PPEF2: variants seen among roughly 807,000 people sequenced by gnomAD.
The protein encoded by PPEF2 is protein phosphatase with EF-hand domain 2, also known as serine/threonine-protein phosphatase with EF-hands 2.
A neutral mutation model predicts 84.7 loss-of-function variants in PPEF2; 84 were observed. The ratio of observed to expected loss-of-function variants is 0.99; its 90% CI spans 0.83 to 1.19. The LOEUF (loss-of-function observed/expected upper bound fraction) is 1.19, where lower values mean the gene tolerates loss of function less well. PPEF2 is among the 50% of genes most tolerant of loss of function. The pLI, the probability that PPEF2 is intolerant of heterozygous loss-of-function variation, is 0.00. For synonymous variants in PPEF2, 346 were observed against 345.2 expected, an observed-to-expected ratio of 1.00 and a Z score of -0.03; for missense variants, 924 against 937.5, an observed-to-expected ratio of 0.99 and a Z score of 0.19.
intron 7 of PPEF2, among the ~76,000 whole-genome samples, chr4:75,886,098 A>G (rs150604939): frequency 6.6e-6 from 1 of 152,080 alleles, no homozygotes; most frequent in Non-Finnish European, 1.5e-5. Context: ...CTCAGTACCA[A>G]CCCGCAGGTT....
In PPEF2 at chr4:75,860,849, CTGTAATGTCGATATTCA is replaced by C; in HGVS notation, c.2063_2079del (p.Met688ArgfsTer2). 1 of 1,614,244 alleles carries C rather than the reference CTGTAATGTCGATATTCA, an allele frequency of 6.2e-7. No individual in the cohort carries two copies. Among genetic ancestry groups the C allele is most frequent in the Non-Finnish European group, 8.5e-7 (1 of 1,180,042 alleles). ...CGAGCAAGGTCACAGATGCAGTCAT[CTGTAATGTCGATATTCA>C]TGTGAGAGCTGAACAGCTTCCAGGT... is the stretch of plus-strand genomic sequence containing the variant. On this transcript the variant is annotated frameshift_variant, in exon 17 of 17. Transcript: ENST00000286719. LOFTEE classifies it low-confidence loss of function (END_TRUNC).
intron 11 of PPEF2, among the ~76,000 whole-genome samples, chr4:75,875,776 T>C (rs1476153494): frequency 6.6e-6 from 1 of 152,138 alleles, no homozygotes; most frequent in Non-Finnish European, 1.5e-5. Flanking sequence ...ATGTCCATTC[T>C]CCTCTTCCTT....
rs61757739 is a variant in PPEF2 at position 75,891,927 on chromosome 4, C to T, written c.107G>A (p.Arg36His). The T allele has an allele frequency of 6.9e-3, 11,106 of 1,614,086 alleles. 63 individuals are homozygous for T. Among genetic ancestry groups the T allele is most frequent in the Non-Finnish European group, 8.5e-3 (9,989 of 1,179,994 alleles). Residue 36 changes from arginine to histidine, a missense_variant, in exon 3 of 17, where the codon CGC (arginine) becomes CAC (histidine). Transcript: ENST00000286719. ...IQRWYRRYVARLEMRRRCTWS... is the reference protein window; with the variant it reads ...IQRWYRRYVAHLEMRRRCTWS... ...GGTGCAACGCCGCCTCATCTCCAGG[C>T]GGGCCACGTAGCGCCGGTACCATCT...
intron 12 of PPEF2, 80 bp downstream of exon 12, chr4:75,873,047 G>T: frequency 7.4e-7 from 1 of 1,349,366 alleles, no homozygotes; most frequent in Non-Finnish European, 1.0e-6. Context: ...GAAACTGAGA[G>T]CCTTTGCTCA....
Position 75,873,246 on chromosome 4 carries a change from C to T in PPEF2, c.1387G>A (p.Gly463Arg), listed in dbSNP as rs979862558. ...EGCKANTIRGGGCYFGPDVTQ... is the reference protein window; with the variant it reads ...EGCKANTIRGRGCYFGPDVTQ... ...ACATCAGGCCCAAAATAACAGCCTC[C>T]TCCTCGAATAGTGTTGGCCTTGCAG... The change falls in exon 12 of 17, where the codon GGA (glycine) becomes AGA (arginine). Residue 463 changes from glycine (G) to arginine (R), a missense_variant. Gly to Arg is a moderately radical substitution (Grantham distance 125, BLOSUM62 -2). Transcript: ENST00000286719. 2 of 1,614,124 alleles carry T rather than the reference C, an allele frequency of 1.2e-6. No homozygotes were observed. The highest frequency in any genetic ancestry group is 1.7e-6 in the Non-Finnish European group (2 of 1,180,002).
intron 2 of PPEF2, among the ~76,000 whole-genome samples, chr4:75,895,127 A>T (rs865848439): frequency 2.3e-5 from 3 of 129,262 alleles, no homozygotes; most frequent in African/African-American, 8.7e-5. Context: ...CAGCTAATTA[A>T]TTTTTTTTTT....
At chr4:75,874,946 G>A (rs1360236842) in intron 11 of PPEF2, among the ~76,000 whole-genome samples, 1 of 148,864 alleles carries the variant, frequency 6.7e-6, no homozygotes, top group East Asian at 2.0e-4. Flanking sequence ...CTGTCGCCCA[G>A]GATGAAGTGC....
At chr4:75,874,751 C>T (rs1249604279) in intron 11 of PPEF2, among the ~76,000 whole-genome samples, 1 of 152,178 alleles carries the variant, frequency 6.6e-6, no homozygotes, top group Non-Finnish European at 1.5e-5. Context: ...AGATCAATAA[C>T]TGACAGAACA....
In PPEF2 at chr4:75,867,402, T is replaced by G; in HGVS notation, c.1667A>C (p.Glu556Ala). The G allele has an allele frequency of 2.5e-6, 4 of 1,613,494 alleles. No individual in the cohort carries two copies. Among genetic ancestry groups the G allele is most frequent in the Non-Finnish European group, 3.4e-6 (4 of 1,179,526 alleles). The change falls in exon 14 of 17, where the codon GAG becomes GCG. Residue 556 changes from glutamate to alanine, a missense_variant. Coordinates refer to ENST00000286719, the MANE Select transcript of PPEF2 (RefSeq NM_006239.3). ...CTCCCTCAGAGCTCTCAGAGCCGAC[T>G]CCTCCACTCTGCTAATCCTGGGACA... ...TMRQRISRVEESALRALREKL... is the reference protein window; with the variant it reads ...TMRQRISRVEASALRALREKL...
intron 10 of PPEF2, among the ~76,000 whole-genome samples, chr4:75,882,413 A>C (rs1255212655): frequency 6.6e-6 from 1 of 152,322 alleles, no homozygotes; most frequent in African/African-American, 2.4e-5. Flanking sequence ...GGTAGTATTT[A>C]GAATTATCTA....
chr4:75,876,380 C>A lies in PPEF2; in HGVS notation c.1227G>T (p.Val409=). The A allele has an allele frequency of 3.7e-6, 6 of 1,614,164 alleles. No homozygotes were observed. The highest frequency in any genetic ancestry group is 5.1e-6 in the Non-Finnish European group (6 of 1,180,044). Reference sequence around the variant, plus strand: ...GGGAGGGCTCCTCTTTCTCTCCGGTCACCAGGAGGCCTGCTTGCTGCCGGC... The same window carrying A: ...GGGAGGGCTCCTCTTTCTCTCCGGTAACCAGGAGGCCTGCTTGCTGCCGGC... ...ERCRQQAGLL[V]TGEKEEPSRS... is the part of the protein sequence containing the mutation. The change falls in exon 11 of 17, where the codon GTG becomes GTT. Residue 409 remains valine (V), a synonymous_variant. Transcript: ENST00000286719.
At chr4:75,876,762 T>C (rs1724429028) in intron 10 of PPEF2, 89 bp from the exon 11 acceptor site, 1 of 1,387,616 alleles carries the variant, frequency 7.2e-7, no homozygotes, top group Non-Finnish European at 9.6e-7. Context: ...TCCTAGAACT[T>C]TGGGAGACTG....
chr4:75,897,823 G>A (rs1025392144), intron 1 of PPEF2, among the ~76,000 whole-genome samples: 5 of 152,066 alleles, frequency 3.3e-5, no homozygotes, highest in South Asian at 2.1e-4. Flanking sequence ...CTCGTCTGCC[G>A]AGACCAGCTC....
intron 13 of PPEF2, among the ~76,000 whole-genome samples, chr4:75,868,712 CTG>C (rs1462743095): frequency 2.6e-5 from 4 of 152,004 alleles, no homozygotes; most frequent in Non-Finnish European, 5.9e-5. Context: ...ACACAAAAAA[CTG>C]TGAACCAGTT....
At chr4:75,860,965 T>A (rs1266627096) in intron 16 of PPEF2, 45 bp from the exon 17 acceptor site, 3 of 1,593,922 alleles carry the variant, frequency 1.9e-6, no homozygotes, top group Middle Eastern at 1.7e-4. Flanking sequence ...GTCTAGTTTT[T>A]AATGTTCATT....
At position 75,860,819 on chromosome 4, in the gene PPEF2, T is replaced by A; in HGVS notation, c.2110A>T (p.Ile704Phe). The change falls in exon 17 of 17, where the codon ATT (isoleucine) becomes TTT (phenylalanine). Residue 704 changes from isoleucine to phenylalanine, a missense_variant. Coordinates refer to ENST00000286719, the MANE Select transcript of PPEF2 (RefSeq NM_006239.3). ...DDCICDLARSIDFNKDGHIDI... is the reference protein window; with the variant it reads ...DDCICDLARSFDFNKDGHIDI... The stretch of plus-strand genomic sequence containing the variant: ...ATGTGGCCATCTTTGTTGAAATCAA[T>A]GCTCCGAGCAAGGTCACAGATGCAG... The A allele has an allele frequency of 6.2e-7, 1 of 1,614,264 alleles. No individual in the cohort carries two copies. Among genetic ancestry groups the A allele is most frequent in the Non-Finnish European group, 8.5e-7 (1 of 1,180,044 alleles).
In PPEF2 at chr4:75,890,095, G is replaced by C; in HGVS notation, c.279C>G (p.Phe93Leu). ...ATTTCTTCATCTCGGAGTCCTGGGC[G>C]AATCTGTCCTCAGTGAATATGCGGG... is the stretch of plus-strand genomic sequence containing the variant. ...FLTRIFTEDR[F>L]AQDSEMKKCS... The change falls in exon 5 of 17, where the codon TTC (phenylalanine) becomes TTG (leucine). Residue 93 changes from phenylalanine (F) to leucine (L), a missense_variant. Coordinates refer to ENST00000286719, the MANE Select transcript of PPEF2 (RefSeq NM_006239.3). 6.2e-7 allele frequency: 1 copy of C among 1,614,082 alleles called. No individual in the cohort carries two copies. Among genetic ancestry groups the C allele is most frequent in the South Asian group, 1.1e-5 (1 of 91,058 alleles).
chr4:75,874,502 A>G (rs1422754568), intron 11 of PPEF2, among the ~76,000 whole-genome samples: 1 of 151,984 alleles, frequency 6.6e-6, no homozygotes, highest in Non-Finnish European at 1.5e-5. Flanking sequence ...TCACCATGTT[A>G]ACCAGAGTCT....
intron 13 of PPEF2, among the ~76,000 whole-genome samples, chr4:75,869,005 C>T (rs1724202391): frequency 6.6e-6 from 1 of 151,976 alleles, no homozygotes; most frequent in Non-Finnish European, 1.5e-5. Context: ...AGAGCAAGGC[C>T]CTGTCTCTAC....
Sources: gnomAD v4.1 joint callset for allele counts (sites outside exome capture counted in the v4.1 genomes callset) on GRCh38, gnomAD v4.1.1 for gene constraint, MANE v1.5 for transcripts, NCBI Gene and HGNC (gene_info 2026-07-23, HGNC 2026-07-21) for gene names.